Variants in ANKRD12 observed in about 807,000 individuals in gnomAD.
ANKRD12 encodes ankyrin repeat domain 12.
ANKRD12 carries 85 observed loss-of-function variants against 183.4 expected under a neutral mutation model. The ratio of observed to expected loss-of-function variants is 0.46; its 90% CI spans 0.39 to 0.56. The LOEUF (loss-of-function observed/expected upper bound fraction) is 0.56, where lower values mean the gene tolerates loss of function less well. Ranked by LOEUF, ANKRD12 falls within the 20% of genes least tolerant of loss-of-function variation. The pLI, the probability that ANKRD12 is intolerant of heterozygous loss-of-function variation, is 0.00. For synonymous variants in ANKRD12, 914 were observed against 800.2 expected, an observed-to-expected ratio of 1.14 and a Z score of -2.40; for missense variants, 2,405 against 2,357.1, an observed-to-expected ratio of 1.02 and a Z score of -0.42.
At chr18:9,227,216 A>G (rs926462659) in intron 8 of ANKRD12, among the ~76,000 whole-genome samples, 1 of 152,200 alleles carries the variant, frequency 6.6e-6, no homozygotes, top group Non-Finnish European at 1.5e-5. Flanking sequence ...AGAACAAGTT[A>G]TAAAGCAAGG....
At chr18:9,245,560 A>G (rs1219352210) in intron 8 of ANKRD12, among the ~76,000 whole-genome samples, 1 of 152,226 alleles carries the variant, frequency 6.6e-6, no homozygotes, top group Non-Finnish European at 1.5e-5. Flanking sequence ...TTATAGGTAA[A>G]TCAAGATATT....
chr18:9,201,833 T>G (rs956606469), intron 3 of ANKRD12, among the ~76,000 whole-genome samples: 2 of 152,054 alleles, frequency 1.3e-5, no homozygotes, highest in African/African-American at 4.8e-5. Context: ...TTCGCTTTTT[T>G]TTTTTTTAAG....
Position 9,237,414 on chromosome 18 carries a change from A to G in ANKRD12, c.943+15415A>G, listed in dbSNP as rs148024113. Among the ~76,000 whole-genome samples the G allele has an allele frequency of 4.1e-3, 625 of 152,300 alleles. 5 individuals are homozygous for G. The highest frequency in any genetic ancestry group is 7.1e-3 in the Admixed American group (108 of 15,298). ...CACAAAAATGCTCTTAAAAATACTC[A>G]TGCTTCATGATCTAGCAGTCAAACT... On this transcript the variant is annotated intron_variant, in intron 8 of 12. Transcript: ENST00000262126.
In ANKRD12 at chr18:9,282,527, A is replaced by G. The variant is rs1434327068; in HGVS notation, c.*1401A>G. On this transcript the variant is annotated 3_prime_UTR_variant, in exon 13 of 13. Coordinates refer to ENST00000262126, the MANE Select transcript of ANKRD12 (RefSeq NM_015208.5). ...TAAATTAAATATTCAGGAATATTTCAGGTCTGAAATCTGCTGCTGAACTTG... is the reference window on the plus strand; with the variant it reads ...TAAATTAAATATTCAGGAATATTTCGGGTCTGAAATCTGCTGCTGAACTTG... 1 of 152,576 alleles carries G rather than the reference A, an allele frequency of 6.6e-6. No individual in the cohort carries two copies. Among genetic ancestry groups the G allele is most frequent in the South Asian group, 2.1e-4 (1 of 4,836 alleles). 9.5% of individuals were successfully genotyped at this position (152,576 alleles called of 1,614,324 possible).
chr18:9,232,775 A>G (rs996665974), intron 8 of ANKRD12, among the ~76,000 whole-genome samples: 1 of 151,982 alleles, frequency 6.6e-6, no homozygotes, highest in Non-Finnish European at 1.5e-5. Flanking sequence ...AGTATCCCAT[A>G]TATCACAAAG....
Position 9,255,828 on chromosome 18 carries a change from A to G in ANKRD12, c.2561A>G (p.Glu854Gly). The G allele has an allele frequency of 2.5e-6, 4 of 1,578,606 alleles. No homozygotes were observed. Among genetic ancestry groups the G allele is most frequent in the Non-Finnish European group, 3.4e-6 (4 of 1,170,494 alleles). ...EKKIKHEHKS[E>G]KDKLDLSECV... ...AAGATAAAACATGAGCATAAGTCAGAAAAAGACAAATTAGATCTTAGTGAA... is the reference window on the plus strand; with the variant it reads ...AAGATAAAACATGAGCATAAGTCAGGAAAAGACAAATTAGATCTTAGTGAA... Residue 854 changes from glutamate (E) to glycine (G), a missense_variant, in exon 9 of 13, where the codon GAA becomes GGA. This residue lies in a region of ANKRD12 where 1,983 missense variants were observed against 1,725.9 expected (regional missense o/e 1.15). Coordinates refer to ENST00000262126, the MANE Select transcript of ANKRD12 (RefSeq NM_015208.5).
intron 1 of ANKRD12, among the ~76,000 whole-genome samples, chr18:9,152,165 T>A (rs563859425): frequency 6.6e-6 from 1 of 152,224 alleles, no homozygotes; most frequent in South Asian, 2.1e-4. Context: ...AGATGCCCCC[T>A]TCTTTTTCAA....
chr18:9,285,348 T>C lies in ANKRD12; in HGVS notation c.*4222T>C, dbSNP rs2040198068. On this transcript the variant is annotated 3_prime_UTR_variant, in exon 13 of 13. Transcript: ENST00000262126. ...TGGGAGGTTGAGACAGGAGAATCGC[T>C]TGAAGCCTGGAGGCGGAGGTTGCAG... 1 of 150,162 alleles carries C rather than the reference T, an allele frequency of 6.7e-6. No homozygotes were observed. 9.3% of individuals were successfully genotyped at this position (150,162 alleles called of 1,614,324 possible).
intron 3 of ANKRD12, among the ~76,000 whole-genome samples, chr18:9,201,082 A>G (rs145471335): frequency 2.6e-5 from 4 of 152,280 alleles, no homozygotes; most frequent in East Asian, 1.9e-4. Context: ...GTTGCAGCGG[A>G]GTCTGAAAAA....
intron 1 of ANKRD12, among the ~76,000 whole-genome samples, chr18:9,166,131 T>G (rs2032038089): frequency 6.6e-6 from 1 of 152,110 alleles, no homozygotes; most frequent in African/African-American, 2.4e-5. Flanking sequence ...TGTTGGACAT[T>G]TAGGTTGGTT....
chr18:9,196,383 A>G (rs1277098319), intron 3 of ANKRD12, among the ~76,000 whole-genome samples: 1 of 152,140 alleles, frequency 6.6e-6, no homozygotes, highest in African/African-American at 2.4e-5. Flanking sequence ...TTTAGCCCTG[A>G]ACTAACCGAT....
chr18:9,195,897 T>G (rs2034756798), intron 3 of ANKRD12, among the ~76,000 whole-genome samples, 199 bp downstream of exon 3: 1 of 152,168 alleles, frequency 6.6e-6, no homozygotes, highest in South Asian at 2.1e-4. Flanking sequence ...AACAATTTTC[T>G]TTATTCCTTA....
chr18:9,203,824 T>C (rs576407972), intron 3 of ANKRD12, among the ~76,000 whole-genome samples: 1 of 152,240 alleles, frequency 6.6e-6, no homozygotes, highest in Admixed American at 6.5e-5. Context: ...AGACTGGTCT[T>C]GAACTTCTGA....
At chr18:9,167,555 G>T (rs1335354502) in intron 1 of ANKRD12, among the ~76,000 whole-genome samples, 1 of 152,126 alleles carries the variant, frequency 6.6e-6, no homozygotes, top group Non-Finnish European at 1.5e-5. Context: ...TGTGATTTTT[G>T]TACATTGATT....
At chr18:9,150,778 C>T (rs1475659606) in intron 1 of ANKRD12, among the ~76,000 whole-genome samples, 5 of 152,046 alleles carry the variant, frequency 3.3e-5, no homozygotes, top group Admixed American at 6.5e-5. Flanking sequence ...CTCAGCCTCC[C>T]GAGTAGCTGG....
chr18:9,263,074 G>C (rs959983010), intron 9 of ANKRD12, among the ~76,000 whole-genome samples: 1 of 152,222 alleles, frequency 6.6e-6, no homozygotes, highest in Non-Finnish European at 1.5e-5. Flanking sequence ...GGGATTACAG[G>C]TGTGGACCAC....
intron 8 of ANKRD12, among the ~76,000 whole-genome samples, chr18:9,240,774 C>T (rs1465891481): frequency 6.6e-6 from 1 of 152,178 alleles, no homozygotes; most frequent in Non-Finnish European, 1.5e-5. Flanking sequence ...CTAGAGCTCA[C>T]TGAAGACAGA....
intron 2 of ANKRD12, among the ~76,000 whole-genome samples, chr18:9,187,881 A>C (rs1242768504): frequency 1.3e-5 from 2 of 152,218 alleles, no homozygotes; most frequent in Non-Finnish European, 2.9e-5. Context: ...TTTCGTCATC[A>C]GTGTAGTTCA....
chr18:9,231,769 G>A (rs1461172751), intron 8 of ANKRD12, among the ~76,000 whole-genome samples: 2 of 150,830 alleles, frequency 1.3e-5, no homozygotes, highest in African/African-American at 4.9e-5. Context: ...AGGTTGCAGG[G>A]GGCTGAGATC....
Sources: allele counts gnomAD v4.1 joint callset (sites outside exome capture counted in the v4.1 genomes callset), GRCh38; gene constraint gnomAD v4.1.1; regional missense constraint gnomAD v4.1.1; transcripts MANE v1.5; gene names NCBI Gene and HGNC (gene_info 2026-07-23, HGNC 2026-07-21).